Variants in ANKH observed in about 807,000 individuals in gnomAD.
ANKH encodes the protein ANKH inorganic pyrophosphate transport regulator.
ANKH carries 15 observed loss-of-function variants against 49.0 expected under a neutral mutation model. The ratio of observed to expected loss-of-function variants is 0.31; its 90% CI spans 0.20 to 0.47. The LOEUF (loss-of-function observed/expected upper bound fraction) is 0.47. Ranked by LOEUF, ANKH falls within the 20% of genes least tolerant of loss-of-function variation. The pLI is 1.00. For synonymous variants in ANKH, 273 were observed against 260.0 expected (o/e 1.05, Z -0.48); for missense variants, 429 against 652.0 (o/e 0.66, Z 3.72).
intron 1 of ANKH, among the ~76,000 whole-genome samples, chr5:14,830,512 T>TGTGC (rs1457037923): frequency 7.2e-6 from 1 of 138,950 alleles, no homozygotes; most frequent in African/African-American, 3.0e-5. Context: ...GTAGGGGGAG[T>TGTGC]GTGTGTGTGT....
chr5:14,834,983 C>T (rs1741612470), intron 1 of ANKH, among the ~76,000 whole-genome samples: 1 of 152,184 alleles, frequency 6.6e-6, no homozygotes, highest in African/African-American at 2.4e-5. Context: ...ATCATTAAGA[C>T]AAAAGCACGG....
chr5:14,763,429 T>G (rs967135585), intron 2 of ANKH, among the ~76,000 whole-genome samples: 2 of 152,152 alleles, frequency 1.3e-5, no homozygotes, highest in African/African-American at 2.4e-5. Context: ...CTGCACACTC[T>G]AACACAGCTG....
At chr5:14,816,582 C>T (rs1053596041) in intron 1 of ANKH, among the ~76,000 whole-genome samples, 2 of 152,140 alleles carry the variant, frequency 1.3e-5, no homozygotes, top group Non-Finnish European at 2.9e-5. Context: ...TCGGAGATGA[C>T]TCTTGTTTCT....
At position 14,751,145 on chromosome 5, in the gene ANKH, C is replaced by T. The variant is rs373816529; in HGVS notation, c.611G>A (p.Arg204His). The change falls in exon 5 of 12, where the codon CGC (arginine) becomes CAC (histidine). Residue 204 changes from arginine to histidine, a missense_variant. Arg to His is a conservative substitution (Grantham distance 29). This residue lies in a region of ANKH where 378 missense variants were observed against 615.3 expected (regional missense o/e 0.61). Transcript: ENST00000284268. ...ILSLYMGALV[R>H]CTTLCLGYYK... Reference sequence around the variant, plus strand: ...GTAGCCCAGGCACAGGGTGGTGCAGCGCACAAGTGCGCCCATGTACAAGGA... The same window carrying T: ...GTAGCCCAGGCACAGGGTGGTGCAGTGCACAAGTGCGCCCATGTACAAGGA... The T allele has an allele frequency of 3.7e-6, 6 of 1,614,096 alleles. No homozygotes were observed. Among genetic ancestry groups the T allele is most frequent in the Non-Finnish European group, 5.1e-6 (6 of 1,180,046 alleles).
intron 1 of ANKH, among the ~76,000 whole-genome samples, chr5:14,794,388 G>A (rs569833135): frequency 1.1e-4 from 16 of 152,380 alleles, no homozygotes; most frequent in Non-Finnish European, 7.3e-5. Context: ...GGCCCTGGCC[G>A]TGAACGTGGG....
chr5:14,850,224 C>G (rs572229233), intron 1 of ANKH, among the ~76,000 whole-genome samples: 1 of 152,312 alleles, frequency 6.6e-6, no homozygotes, highest in East Asian at 1.9e-4. Context: ...CTGAGAGGAG[C>G]TGCCCCACTG....
At chr5:14,830,373 A>G (rs1194831667) in intron 1 of ANKH, among the ~76,000 whole-genome samples, 1 of 152,138 alleles carries the variant, frequency 6.6e-6, no homozygotes, top group Non-Finnish European at 1.5e-5. Flanking sequence ...CGACAGCATG[A>G]GTAGGAGGTA....
rs1739002254 is a variant in ANKH, at chr5:14,759,444, G to A, written c.314-846C>T. ...CTATTTTTTCACCTCATTGATAGAAGTTTAGATTATATATAAAAATAACAG... is the reference window on the plus strand; with the variant it reads ...CTATTTTTTCACCTCATTGATAGAAATTTAGATTATATATAAAAATAACAG... On this transcript the variant is annotated intron_variant, in intron 2 of 11. Coordinates refer to ENST00000284268, the MANE Select transcript of ANKH (RefSeq NM_054027.6). Among the ~76,000 whole-genome samples, 3 of 152,246 alleles carry A rather than the reference G, an allele frequency of 2.0e-5. No homozygotes were observed. The South Asian group carries it at 6.2e-4, about 32-fold the overall frequency.
intron 1 of ANKH, among the ~76,000 whole-genome samples, chr5:14,800,613 A>G (rs1433607870): frequency 1.3e-5 from 2 of 152,320 alleles, no homozygotes; most frequent in East Asian, 3.9e-4. Flanking sequence ...GATGATCGTT[A>G]GCATTTTTTA....
chr5:14,726,591 G>A (rs1737829945), intron 8 of ANKH, among the ~76,000 whole-genome samples: 1 of 152,156 alleles, frequency 6.6e-6, no homozygotes, highest in Non-Finnish European at 1.5e-5. Context: ...TGGCTGACCT[G>A]TCCTCACGGT....
intron 1 of ANKH, among the ~76,000 whole-genome samples, chr5:14,800,642 T>A (rs258224): frequency 0.62 from 93,942 of 152,044 alleles, 29,341 homozygotes; most frequent in East Asian, 0.84. Context: ...GTATCTTTTA[T>A]TTAAGGTATA....
At chr5:14,854,566 G>C (rs937923136) in intron 1 of ANKH, among the ~76,000 whole-genome samples, 1 of 152,170 alleles carries the variant, frequency 6.6e-6, no homozygotes, top group African/African-American at 2.4e-5. Context: ...GCCAGGCATG[G>C]TGGCATGCAC....
At chr5:14,848,042 A>C (rs1318895818) in intron 1 of ANKH, among the ~76,000 whole-genome samples, 2 of 152,182 alleles carry the variant, frequency 1.3e-5, no homozygotes, top group African/African-American at 4.8e-5. Context: ...CGGGAGGCTG[A>C]GGCAGGAGAA....
intron 1 of ANKH, chr5:14,797,106 A>G (rs1429132631): frequency 7.4e-7 from 1 of 1,352,256 alleles, no homozygotes; most frequent in Non-Finnish European, 1.0e-6. Context: ...CTAAAATCAC[A>G]AGAAGTAAAG....
chr5:14,869,534 A>G (rs1401699870), intron 1 of ANKH: 1 of 152,254 alleles, frequency 6.6e-6, no homozygotes, highest in African/African-American at 2.4e-5. Flanking sequence ...CTTTGCTTAC[A>G]TCAGCCATGA....
At chr5:14,796,490 A>C (rs1290017238) in intron 1 of ANKH, among the ~76,000 whole-genome samples, 3 of 143,460 alleles carry the variant, frequency 2.1e-5, no homozygotes, top group Admixed American at 7.0e-5. Flanking sequence ...AAAAAAAAAA[A>C]CACCATTTCA....
intron 2 of ANKH, among the ~76,000 whole-genome samples, chr5:14,765,259 A>G (rs1739222541): frequency 6.6e-6 from 1 of 152,264 alleles, no homozygotes; most frequent in Non-Finnish European, 1.5e-5. Context: ...AACAAGGGCC[A>G]AGAAATACTC....
chr5:14,792,983 T>TATATAAAAATATATATA (rs1561057602), intron 1 of ANKH, among the ~76,000 whole-genome samples: 33 of 109,502 alleles, frequency 3.0e-4, no homozygotes, highest in African/African-American at 1.2e-3. Context: ...ATCATATATA[T>TATATAAAAATATATATA]ATATAAAAAT....
In ANKH at chr5:14,774,470, C is replaced by T. The variant is rs1355665112; in HGVS notation, c.97-5279G>A. Among the ~76,000 whole-genome samples, 8 of 152,144 alleles carry T rather than the reference C, an allele frequency of 5.3e-5. No homozygotes were observed. The East Asian group carries it at 1.3e-3, about 26-fold the overall frequency. ...TTTTTTTCCTCAAGACACAGTCGCG[C>T]TCTGTCGCCCAGTCTGGAGTGCAGT... On this transcript the variant is annotated intron_variant, in intron 1 of 11. Coordinates refer to ENST00000284268, the MANE Select transcript of ANKH (RefSeq NM_054027.6).
Sources: allele counts gnomAD v4.1 joint callset (sites outside exome capture counted in the v4.1 genomes callset), GRCh38; gene constraint gnomAD v4.1.1; regional missense constraint gnomAD v4.1.1; transcripts MANE v1.5; gene names NCBI Gene and HGNC (gene_info 2026-07-23, HGNC 2026-07-21).